The following TRPM3 variants were observed in gnomAD, a reference collection of about 807,000 sequenced individuals.
TRPM3 encodes long transient receptor potential channel 3.
A neutral mutation model predicts 181.2 loss-of-function variants in TRPM3; 77 were observed. The ratio of observed to expected loss-of-function variants is 0.42; its 90% CI spans 0.35 to 0.51. The LOEUF (loss-of-function observed/expected upper bound fraction) is 0.51, where lower values mean the gene tolerates loss of function less well. TRPM3 is among the 20% of genes least tolerant of loss of function. The probability of loss-of-function intolerance (pLI) is 0.01; values close to 1 mark genes in which losing one functional copy is unlikely to be tolerated. For missense variants in TRPM3, 1,759 were observed against 2,196.7 expected (o/e 0.80, Z 3.98); for synonymous variants, 745 against 796.4 (o/e 0.94, Z 1.09).
At chr9:71,116,262 A>C (rs2134291975) in intron 1 of TRPM3, among the ~76,000 whole-genome samples, 1 of 152,248 alleles carries the variant, frequency 6.6e-6, no homozygotes, top group East Asian at 1.9e-4. Context: ...GTTGCTCCCT[A>C]GGATGTGGCT....
intron 1 of TRPM3, among the ~76,000 whole-genome samples, chr9:71,312,779 G>A (rs1314742412): frequency 1.3e-5 from 2 of 152,106 alleles, no homozygotes; most frequent in Non-Finnish European, 2.9e-5. Context: ...GCATATTATT[G>A]AGAGTAACCA....
chr9:70,579,246 T>A (rs2054943380), intron 22 of TRPM3: 1 of 151,874 alleles, frequency 6.6e-6, no homozygotes, highest in Admixed American at 6.6e-5. Context: ...AGCATGGGAG[T>A]TTTGGTCTGT....
intron 1 of TRPM3, among the ~76,000 whole-genome samples, chr9:71,160,578 A>G (rs1489507323): frequency 1.3e-5 from 2 of 152,074 alleles, no homozygotes; most frequent in Admixed American, 1.3e-4. Context: ...TGTATCTAAA[A>G]TTGTCTCAAC....
intron 1 of TRPM3, among the ~76,000 whole-genome samples, chr9:70,996,878 G>A (rs550123493): frequency 7.2e-5 from 11 of 152,228 alleles, no homozygotes; most frequent in Admixed American, 2.0e-4. Flanking sequence ...AACACATTTT[G>A]GATCACAGGA....
intron 1 of TRPM3, among the ~76,000 whole-genome samples, chr9:71,259,863 C>A (rs1464941040): frequency 6.6e-6 from 1 of 152,078 alleles, no homozygotes; most frequent in African/African-American, 2.4e-5. Context: ...ATAGTCTCTT[C>A]TGTTGTGCAG....
chr9:71,340,272 G>C (rs1299053167), intron 1 of TRPM3, among the ~76,000 whole-genome samples: 2 of 152,118 alleles, frequency 1.3e-5, no homozygotes, highest in Non-Finnish European at 2.9e-5. Flanking sequence ...TGGAGTGAAA[G>C]GTATCAGTAT....
rs1177979960 is a variant in TRPM3, at chr9:70,531,480, A to G, written c.*4473T>C. On this transcript the variant is annotated 3_prime_UTR_variant, in exon 26 of 26. Transcript: ENST00000677713. ...AAGAAATGCATAAAGCAGTGCATGC[A>G]TTTTGTTGACACAAAATTAAGACCA... 6 of 152,360 alleles carry G rather than the reference A, an allele frequency of 3.9e-5. No individual in the cohort carries two copies. The East Asian group carries it at 1.2e-3, about 29-fold the overall frequency. The allele number at this position is 152,360 out of a possible 1,614,324, so 9.4% of individuals were successfully genotyped here. A position where few individuals can be genotyped will look rare whatever the true frequency, so the allele number is the denominator to read the frequency against.
chr9:71,116,140 T>C (rs1361056460), intron 1 of TRPM3, among the ~76,000 whole-genome samples: 1 of 152,212 alleles, frequency 6.6e-6, no homozygotes, highest in Non-Finnish European at 1.5e-5. Flanking sequence ...TTCAAGTCAC[T>C]TCATGGAATT....
chr9:70,600,386 C>G (rs911228995), intron 20 of TRPM3, among the ~76,000 whole-genome samples: 1 of 152,132 alleles, frequency 6.6e-6, no homozygotes, highest in African/African-American at 2.4e-5. Context: ...AATGATTTAC[C>G]TAATTCTGAA....
At chr9:71,206,350 G>A (rs2079118888) in intron 1 of TRPM3, among the ~76,000 whole-genome samples, 1 of 152,170 alleles carries the variant, frequency 6.6e-6, no homozygotes, top group Non-Finnish European at 1.5e-5. Flanking sequence ...GATCAGTGAT[G>A]ATGAGCTCTT....
chr9:71,112,305 T>A (rs191867298), intron 1 of TRPM3, among the ~76,000 whole-genome samples: 433 of 152,330 alleles, frequency 2.8e-3, no homozygotes, highest in African/African-American at 9.8e-3. Flanking sequence ...GATGAGATAA[T>A]TTTTATCTCT....
chr9:70,656,299 A>G (rs898077656), intron 9 of TRPM3, among the ~76,000 whole-genome samples: 1 of 152,260 alleles, frequency 6.6e-6, no homozygotes, highest in African/African-American at 2.4e-5. Context: ...TGTTTAATAA[A>G]TAAGATACTC....
At chr9:70,610,355 A>T (rs540609111) in intron 19 of TRPM3, among the ~76,000 whole-genome samples, 1 of 152,110 alleles carries the variant, frequency 6.6e-6, no homozygotes, top group African/African-American at 2.4e-5. Context: ...ACTCATACTC[A>T]TCTCACCTCT....
chr9:71,413,335 T>TA (rs2131471036), intron 1 of TRPM3, among the ~76,000 whole-genome samples: 1 of 152,246 alleles, frequency 6.6e-6, no homozygotes, highest in African/African-American at 2.4e-5. Flanking sequence ...CTCATCTAAT[T>TA]TTACCTTCAA....
intron 15 of TRPM3, 37 bp downstream of exon 15, chr9:70,621,207 T>C (rs1257075849): frequency 1.3e-6 from 2 of 1,520,680 alleles, no homozygotes; most frequent in South Asian, 2.4e-5. Context: ...ATAAAGAGAA[T>C]AAATCATTGA....
chr9:71,216,274 A>G (rs2079862765), intron 1 of TRPM3, among the ~76,000 whole-genome samples: 1 of 152,206 alleles, frequency 6.6e-6, no homozygotes, highest in African/African-American at 2.4e-5. Context: ...CATATATTAG[A>G]ATGAATTGAT....
At chr9:71,289,963 A>C (rs1318394035) in intron 1 of TRPM3, among the ~76,000 whole-genome samples, 1 of 147,536 alleles carries the variant, frequency 6.8e-6, no homozygotes, top group Non-Finnish European at 1.5e-5. Context: ...TAAATGTTTG[A>C]TGTGATGGGT....
At chr9:71,430,909 T>G (rs2093944837) in intron 1 of TRPM3, among the ~76,000 whole-genome samples, 1 of 152,232 alleles carries the variant, frequency 6.6e-6, no homozygotes, top group African/African-American at 2.4e-5. Context: ...AACATTTCTC[T>G]TTCTGATCTG....
intron 1 of TRPM3, among the ~76,000 whole-genome samples, chr9:71,364,938 ATAAAATAAG>A (rs1316424897): frequency 2.0e-5 from 3 of 152,202 alleles, no homozygotes; most frequent in African/African-American, 7.2e-5. Context: ...TGGAAAGAAA[ATAAAATAAG>A]ATACTATCTC....
Sources: gnomAD v4.1 joint callset for allele counts (sites outside exome capture counted in the v4.1 genomes callset) on GRCh38, gnomAD v4.1.1 for gene constraint, MANE v1.5 for transcripts, NCBI Gene and HGNC (gene_info 2026-07-23, HGNC 2026-07-21) for gene names.